SEC22B: variants seen among roughly 807,000 people sequenced by gnomAD.
The protein encoded by SEC22B is vesicle-trafficking protein SEC22b.
A neutral mutation model predicts 31.4 loss-of-function variants in SEC22B; 10 were observed. The ratio of observed to expected loss-of-function variants is 0.32; its 90% confidence interval spans 0.20 to 0.54. SEC22B has a LOEUF of 0.54. Among genes scored for constraint, SEC22B ranks in the 20% least tolerant of loss-of-function variants. SEC22B has a pLI of 0.94. For synonymous variants in SEC22B, 60 were observed against 95.9 expected (o/e 0.63, Z 2.19); for missense variants, 130 against 263.4 (o/e 0.49, Z 3.50).
intron 1 of SEC22B, among the ~76,000 whole-genome samples, 184 bp from the exon 2 acceptor site, chr1:120,169,133 AG>A (rs1360497290): frequency 6.6e-6 from 1 of 152,180 alleles, no homozygotes; most frequent in Non-Finnish European, 1.5e-5. Flanking sequence ...TACTTCTTCA[AG>A]ATGATCGCAT....
chr1:120,165,254 T>C (rs1218541115), intron 2 of SEC22B, among the ~76,000 whole-genome samples: 2 of 152,030 alleles, frequency 1.3e-5, no homozygotes, highest in Non-Finnish European at 2.9e-5. Flanking sequence ...TGGATAGAAA[T>C]GTAAGGTTAA....
chr1:120,168,396 T>C (rs1238190173), intron 2 of SEC22B, among the ~76,000 whole-genome samples: 1 of 152,110 alleles, frequency 6.6e-6, no homozygotes, highest in African/African-American at 2.4e-5. Context: ...ACTCTTCCCA[T>C]GTGTGTCAGA....
chr1:120,155,221 T>C lies in SEC22B; in HGVS notation c.*1817A>G, dbSNP rs2101125456. 6.6e-6 allele frequency: 1 copy of C among 152,204 alleles called. No individual in the cohort carries two copies. Among genetic ancestry groups the C allele is most frequent in the African/African-American group, 2.4e-5 (1 of 41,556 alleles). 9.4% of individuals were successfully genotyped at this position (152,204 alleles called of 1,614,324 possible). On this transcript the variant is annotated 3_prime_UTR_variant, in exon 5 of 5. Transcript: ENST00000578049. ...CACTGAAGTGAACATTCTACAAGTA[T>C]TTATTTCATTGCTGACCATTAGGTT...
intron 1 of SEC22B, among the ~76,000 whole-genome samples, chr1:120,172,980 GAAC>G (rs1226313743): frequency 2.0e-5 from 3 of 150,846 alleles, no homozygotes; most frequent in Non-Finnish European, 4.4e-5. Flanking sequence ...TAAGACTGCT[GAAC>G]AACTAGTTGT....
At chr1:120,167,139 CTT>C (rs1158860363) in intron 2 of SEC22B, among the ~76,000 whole-genome samples, 1 of 150,436 alleles carries the variant, frequency 6.6e-6, no homozygotes, top group Non-Finnish European at 1.5e-5. Flanking sequence ...TAACTGGTCT[CTT>C]TGCTTTTAGT....
Sources: gnomAD v4.1 joint callset for allele counts (sites outside exome capture counted in the v4.1 genomes callset) on GRCh38, gnomAD v4.1.1 for gene constraint, MANE v1.5 for transcripts, NCBI Gene and HGNC (gene_info 2026-07-23, HGNC 2026-07-21) for gene names.